The following TRDN variants were observed in gnomAD, a reference collection of about 807,000 sequenced individuals.
The protein encoded by TRDN is triadin in skeletal muscle.
In TRDN, 161 loss-of-function variants were observed where a neutral mutation model predicts 149.7. The observed-to-expected ratio is 1.08, with a 90% CI of 0.95 to 1.23. The LOEUF (loss-of-function observed/expected upper bound fraction) is 1.23, where lower values mean the gene tolerates loss of function less well. Ranked by LOEUF, TRDN falls within the 50% of genes most tolerant of loss-of-function variation. The probability of loss-of-function intolerance (pLI) is 0.00; values close to 1 mark genes in which losing one functional copy is unlikely to be tolerated. For synonymous variants in TRDN, 294 were observed against 250.5 expected (o/e 1.17, Z -1.64); for missense variants, 896 against 823.5 (o/e 1.09, Z -1.08).
At chr6:123,385,204 G>C (rs1224396493) in intron 14 of TRDN, among the ~76,000 whole-genome samples, 1 of 152,020 alleles carries the variant, frequency 6.6e-6, no homozygotes, top group Non-Finnish European at 1.5e-5. Flanking sequence ...GAGGAGTGCG[G>C]ATCACTAGGT....
intron 24 of TRDN, among the ~76,000 whole-genome samples, chr6:123,286,690 T>TA (rs1777816197): frequency 6.6e-6 from 1 of 151,708 alleles, no homozygotes; most frequent in South Asian, 2.1e-4. Context: ...TAAAATAAAA[T>TA]ACGAGGAATT....
intron 12 of TRDN, among the ~76,000 whole-genome samples, chr6:123,414,247 T>C (rs1278698026): frequency 1.3e-5 from 2 of 152,130 alleles, no homozygotes; most frequent in Non-Finnish European, 2.9e-5. Context: ...TACTAAATCC[T>C]TTCTATTGAG....
At chr6:123,236,093 T>C (rs777552989) in intron 38 of TRDN, among the ~76,000 whole-genome samples, 2 of 152,210 alleles carry the variant, frequency 1.3e-5, no homozygotes, top group Non-Finnish European at 2.9e-5. Flanking sequence ...CAGTTTTCTA[T>C]AGTGCCAGTA....
chr6:123,236,901 G>T (rs1293568222), intron 38 of TRDN, among the ~76,000 whole-genome samples: 3 of 143,780 alleles, frequency 2.1e-5, no homozygotes, highest in African/African-American at 3.0e-5. Context: ...TTTAAAAAAT[G>T]TTTTAGCTAT....
intron 38 of TRDN, among the ~76,000 whole-genome samples, chr6:123,247,408 A>T (rs1384960308): frequency 6.6e-6 from 1 of 152,244 alleles, no homozygotes; most frequent in South Asian, 2.1e-4. Flanking sequence ...AAGTCTCAGG[A>T]TACAAAATCA....
intron 35 of TRDN, among the ~76,000 whole-genome samples, 181 bp from the exon 36 acceptor site, chr6:123,256,083 T>A (rs1332429142): frequency 6.6e-6 from 1 of 152,042 alleles, no homozygotes; most frequent in Non-Finnish European, 1.5e-5. Flanking sequence ...ATGCTATCCC[T>A]CCCCTTAACC....
chr6:123,479,597 T>C (rs969457766), intron 9 of TRDN, among the ~76,000 whole-genome samples: 4 of 152,156 alleles, frequency 2.6e-5, no homozygotes. Flanking sequence ...ACTTGCCAAA[T>C]TCATCCAACT....
At chr6:123,561,646 C>T in intron 2 of TRDN, among the ~76,000 whole-genome samples, 2 of 152,208 alleles carry the variant, frequency 1.3e-5, no homozygotes, top group East Asian at 3.9e-4. Flanking sequence ...TGTTTTTCTC[C>T]TTCTCTTATT....
At chr6:123,439,121 CA>C (rs1774740775) in intron 10 of TRDN, 118 bp from the exon 11 acceptor site, 2 of 696,424 alleles carry the variant, frequency 2.9e-6, no homozygotes, top group South Asian at 3.8e-5. Flanking sequence ...TGTGACTGAG[CA>C]AGTAATTTAA....
At chr6:123,369,194 T>G (rs1781228330) in intron 19 of TRDN, among the ~76,000 whole-genome samples, 1 of 152,162 alleles carries the variant, frequency 6.6e-6, no homozygotes, top group Non-Finnish European at 1.5e-5. Context: ...GCTTTTATGT[T>G]CATGTGGCAG....
intron 3 of TRDN, 68 bp from the exon 4 acceptor site, chr6:123,547,440 T>C: frequency 3.4e-6 from 3 of 894,036 alleles, no homozygotes; most frequent in Admixed American, 3.9e-5. Flanking sequence ...GACATCATTA[T>C]TTTCCCCTTT....
intron 5 of TRDN, among the ~76,000 whole-genome samples, chr6:123,517,858 T>C (rs1183970777): frequency 6.6e-6 from 1 of 152,186 alleles, no homozygotes; most frequent in Non-Finnish European, 1.5e-5. Flanking sequence ...TACATAATTA[T>C]ATTTCAGCAA....
chr6:123,403,157 A>C (rs1334421430), intron 12 of TRDN, among the ~76,000 whole-genome samples: 2 of 152,202 alleles, frequency 1.3e-5, no homozygotes, highest in African/African-American at 2.4e-5. Flanking sequence ...ATAATCTATA[A>C]GAAAAATCCA....
At chr6:123,230,180 T>C (rs963920799) in intron 38 of TRDN, among the ~76,000 whole-genome samples, 5 of 151,978 alleles carry the variant, frequency 3.3e-5, no homozygotes, top group African/African-American at 1.2e-4. Context: ...ATGCAGCACA[T>C]ATACACCATG....
chr6:123,577,963 G>T (rs1772269448), intron 1 of TRDN, among the ~76,000 whole-genome samples: 2 of 151,928 alleles, frequency 1.3e-5, no homozygotes, highest in African/African-American at 2.4e-5. Context: ...CATGTCCTTT[G>T]CCCACTTCTT....
intron 1 of TRDN, among the ~76,000 whole-genome samples, chr6:123,631,648 T>C (rs1786013777): frequency 6.6e-6 from 1 of 152,084 alleles, no homozygotes; most frequent in Non-Finnish European, 1.5e-5. Flanking sequence ...CTGACCCATA[T>C]ATGTTATGAA....
chr6:123,582,131 A>G (rs1410956285), intron 1 of TRDN, among the ~76,000 whole-genome samples: 5 of 152,160 alleles, frequency 3.3e-5, no homozygotes, highest in African/African-American at 1.2e-4. Flanking sequence ...CAATACATGT[A>G]CCCTATACAT....
intron 18 of TRDN, among the ~76,000 whole-genome samples, chr6:123,376,233 G>A (rs1350276313): frequency 6.6e-6 from 1 of 152,080 alleles, no homozygotes; most frequent in African/African-American, 2.4e-5. Context: ...ACTATCTTAG[G>A]TTCTTCTTAC....
intron 12 of TRDN, among the ~76,000 whole-genome samples, chr6:123,408,885 G>A (rs939903612): frequency 2.0e-5 from 3 of 152,044 alleles, no homozygotes; most frequent in Admixed American, 6.5e-5. Flanking sequence ...AGTCCAGATA[G>A]ATGCTCTTCT....
Sources: gnomAD v4.1 joint callset for allele counts (sites outside exome capture counted in the v4.1 genomes callset) on GRCh38, gnomAD v4.1.1 for gene constraint, MANE v1.5 for transcripts, NCBI Gene and HGNC (gene_info 2026-07-23, HGNC 2026-07-21) for gene names.